Variants in KLHL1 observed in about 807,000 individuals in gnomAD.
KLHL1 encodes the protein kelch-like protein 1.
KLHL1 carries 47 observed loss-of-function variants against 77.7 expected under a neutral mutation model. The observed-to-expected ratio is 0.60, with a 90% CI of 0.48 to 0.77. KLHL1 has a LOEUF of 0.77. Ranked by LOEUF, KLHL1 falls within the 30% of genes least tolerant of loss-of-function variation. The probability of loss-of-function intolerance (pLI) is 0.00; values close to 1 mark genes in which losing one functional copy is unlikely to be tolerated. For missense variants in KLHL1, 925 were observed against 910.8 expected (o/e 1.02, Z -0.20); for synonymous variants, 360 against 325.2 (o/e 1.11, Z -1.15).
intron 1 of KLHL1, among the ~76,000 whole-genome samples, chr13:69,980,750 G>T (rs1884683623): frequency 6.6e-6 from 1 of 151,980 alleles, no homozygotes; most frequent in Non-Finnish European, 1.5e-5. Flanking sequence ...GTGGTGCTGA[G>T]GGGAAAGCCT....
At chr13:69,883,210 G>A (rs1232833398) in intron 4 of KLHL1, among the ~76,000 whole-genome samples, 2 of 152,126 alleles carry the variant, frequency 1.3e-5, no homozygotes, top group East Asian at 1.9e-4. Context: ...TTATTCTGAA[G>A]TTTTTGTTTT....
chr13:70,075,772 T>TAG (rs1555295423), intron 1 of KLHL1, among the ~76,000 whole-genome samples: 1 of 145,966 alleles, frequency 6.9e-6, no homozygotes, highest in Non-Finnish European at 1.5e-5. Context: ...TATATATATA[T>TAG]ACATATATAT....
At chr13:69,862,852 C>G (rs968545415) in intron 5 of KLHL1, among the ~76,000 whole-genome samples, 18 of 152,078 alleles carry the variant, frequency 1.2e-4, no homozygotes, top group African/African-American at 4.3e-4. Flanking sequence ...AATTTGCAGG[C>G]ACCTTGATCT....
intron 1 of KLHL1, among the ~76,000 whole-genome samples, chr13:70,031,032 A>T (rs9572341): frequency 0.26 from 39,707 of 152,108 alleles, 5,729 homozygotes; most frequent in East Asian, 0.59. Flanking sequence ...CACCCTCCCA[A>T]GACTAAACCA....
At chr13:69,850,715 T>G (rs2138130910) in intron 5 of KLHL1, among the ~76,000 whole-genome samples, 1 of 151,800 alleles carries the variant, frequency 6.6e-6, no homozygotes, top group East Asian at 1.9e-4. Flanking sequence ...ACATTGATCA[T>G]TCACTGTCCT....
chr13:69,976,398 T>C (rs1884546440), intron 1 of KLHL1, among the ~76,000 whole-genome samples: 2 of 152,080 alleles, frequency 1.3e-5, no homozygotes, highest in African/African-American at 2.4e-5. Flanking sequence ...ACTTTAATCA[T>C]TAATAGATAT....
At chr13:69,793,890 T>C (rs1876983704) in intron 7 of KLHL1, among the ~76,000 whole-genome samples, 1 of 152,056 alleles carries the variant, frequency 6.6e-6, no homozygotes, top group Non-Finnish European at 1.5e-5. Flanking sequence ...GAGGAAAACT[T>C]GATATGTTCT....
At chr13:70,042,332 GCTTTAGTAATAATTAA>G (rs1886396685) in intron 1 of KLHL1, among the ~76,000 whole-genome samples, 1 of 151,864 alleles carries the variant, frequency 6.6e-6, no homozygotes. Flanking sequence ...TTTAACTGAG[GCTTTAGTAATAATTAA>G]CTTTAATAAT....
At chr13:70,096,050 G>C (rs554748133) in intron 1 of KLHL1, among the ~76,000 whole-genome samples, 1 of 150,914 alleles carries the variant, frequency 6.6e-6, no homozygotes, top group Non-Finnish European at 1.5e-5. Flanking sequence ...ACCAAATAAT[G>C]CTTTATTGCA....
chr13:69,879,434 G>A (rs1230719844), intron 5 of KLHL1, among the ~76,000 whole-genome samples: 2 of 151,728 alleles, frequency 1.3e-5, no homozygotes, highest in African/African-American at 2.4e-5. Context: ...TCTCTTGGTA[G>A]CAACACACAC....
intron 6 of KLHL1, among the ~76,000 whole-genome samples, chr13:69,814,172 C>T (rs1312541714): frequency 3.9e-5 from 6 of 152,000 alleles, no homozygotes; most frequent in Non-Finnish European, 7.4e-5. Flanking sequence ...TAAATGGTTT[C>T]GGGAACACAG....
chr13:70,039,385 C>T (rs1055341461), intron 1 of KLHL1, among the ~76,000 whole-genome samples: 7 of 151,966 alleles, frequency 4.6e-5, no homozygotes, highest in Non-Finnish European at 1.0e-4. Flanking sequence ...GACCTGGCCT[C>T]TTTTATCATT....
At chr13:70,090,137 C>T (rs945289845) in intron 1 of KLHL1, among the ~76,000 whole-genome samples, 1 of 152,004 alleles carries the variant, frequency 6.6e-6, no homozygotes, top group Admixed American at 6.6e-5. Context: ...TGAAATAAGT[C>T]TATTTATATG....
intron 6 of KLHL1, among the ~76,000 whole-genome samples, chr13:69,836,242 A>C (rs1189691298): frequency 2.0e-5 from 3 of 152,080 alleles, no homozygotes; most frequent in Non-Finnish European, 4.4e-5. Flanking sequence ...ATTGCAGCTC[A>C]GGGCAATCAA....
intron 9 of KLHL1, among the ~76,000 whole-genome samples, chr13:69,708,156 A>G (rs1875712510): frequency 6.6e-6 from 1 of 152,014 alleles, no homozygotes; most frequent in Non-Finnish European, 1.5e-5. Context: ...AGCAGAAGAA[A>G]TAGTTAAAAA....
intron 9 of KLHL1, among the ~76,000 whole-genome samples, chr13:69,710,775 C>T (rs1004239308): frequency 6.6e-6 from 1 of 151,902 alleles, no homozygotes. Flanking sequence ...TCTAAGCAGC[C>T]ATTTTTTGCC....
At chr13:69,960,638 A>G (rs1884033296) in intron 3 of KLHL1, among the ~76,000 whole-genome samples, 2 of 152,168 alleles carry the variant, frequency 1.3e-5, no homozygotes, top group Admixed American at 1.3e-4. Flanking sequence ...GAGCTTCATG[A>G]GGGCAATACA....
chr13:69,786,479 A>G (rs948543060), intron 7 of KLHL1, among the ~76,000 whole-genome samples: 2 of 152,202 alleles, frequency 1.3e-5, no homozygotes, highest in African/African-American at 4.8e-5. Context: ...AAAACTCTCA[A>G]TAAATTAGGT....
intron 1 of KLHL1, among the ~76,000 whole-genome samples, chr13:70,057,264 C>T (rs1419991450): frequency 6.6e-6 from 1 of 151,974 alleles, no homozygotes; most frequent in Admixed American, 6.6e-5. Context: ...AGACCATTAA[C>T]AAGTAATGAG....
Sources: gnomAD v4.1 joint callset for allele counts (sites outside exome capture counted in the v4.1 genomes callset) on GRCh38, gnomAD v4.1.1 for gene constraint, MANE v1.5 for transcripts, NCBI Gene and HGNC (gene_info 2026-07-23, HGNC 2026-07-21) for gene names.